DSCAM: variants seen among roughly 807,000 people sequenced by gnomAD.
DSCAM encodes cell adhesion molecule DSCAM.
In DSCAM, 47 loss-of-function variants were observed where a neutral mutation model predicts 217.7. The ratio of observed to expected loss-of-function variants is 0.22; its 90% CI spans 0.17 to 0.28. DSCAM has a LOEUF of 0.28. Ranked by LOEUF, DSCAM falls within the 10% of genes least tolerant of loss-of-function variation. The pLI, the probability that DSCAM is intolerant of heterozygous loss-of-function variation, is 1.00. For missense variants in DSCAM, 2,080 were observed against 2,618.3 expected (o/e 0.79, Z 4.49); for synonymous variants, 1,056 against 1,015.3 (o/e 1.04, Z -0.76).
intron 2 of DSCAM, among the ~76,000 whole-genome samples, chr21:40,697,319 T>C (rs942496767): frequency 1.3e-5 from 2 of 152,242 alleles, no homozygotes; most frequent in African/African-American, 4.8e-5. Context: ...TTCTTTGCTG[T>C]GCAGAGTTTT....
At chr21:40,040,793 G>A (rs988486717) in intron 32 of DSCAM, among the ~76,000 whole-genome samples, 1 of 152,126 alleles carries the variant, frequency 6.6e-6, no homozygotes, top group African/African-American at 2.4e-5. Context: ...AGCTGAGAAC[G>A]CCTATACAAC....
At chr21:40,683,338 A>G (rs747963211) in intron 3 of DSCAM, among the ~76,000 whole-genome samples, 7 of 152,196 alleles carry the variant, frequency 4.6e-5, no homozygotes, top group Non-Finnish European at 1.0e-4. Context: ...AGATTGTAAC[A>G]GGCAAAGCCC....
chr21:40,758,979 A>G (rs2091303447), intron 1 of DSCAM, among the ~76,000 whole-genome samples: 1 of 152,204 alleles, frequency 6.6e-6, no homozygotes, highest in Non-Finnish European at 1.5e-5. Flanking sequence ...CATCATAAAT[A>G]AAGAACGCAA....
chr21:40,728,954 G>A (rs1257296707), intron 1 of DSCAM, among the ~76,000 whole-genome samples: 1 of 151,902 alleles, frequency 6.6e-6, no homozygotes, highest in African/African-American at 2.4e-5. Context: ...CAGTGGTAAT[G>A]CATCTACACG....
At chr21:40,185,988 C>A (rs1372965034) in intron 14 of DSCAM, among the ~76,000 whole-genome samples, 1 of 152,240 alleles carries the variant, frequency 6.6e-6, no homozygotes, top group Non-Finnish European at 1.5e-5. Context: ...CCAGTTGCAA[C>A]TCAGAGGCCG....
At chr21:40,585,332 G>T (rs1900087450) in intron 3 of DSCAM, among the ~76,000 whole-genome samples, 1 of 52,862 alleles carries the variant, frequency 1.9e-5, no homozygotes, top group Non-Finnish European at 5.1e-5. Flanking sequence ...AAAGAAAAAT[G>T]CTGCGTGAAC....
intron 11 of DSCAM, among the ~76,000 whole-genome samples, chr21:40,238,979 A>G (rs1271362068): frequency 6.6e-6 from 1 of 152,186 alleles, no homozygotes; most frequent in Non-Finnish European, 1.5e-5. Flanking sequence ...TAATTTGAGC[A>G]TCATGTGTAT....
intron 11 of DSCAM, among the ~76,000 whole-genome samples, chr21:40,202,980 GC>G (rs1456330255): frequency 6.6e-5 from 10 of 152,156 alleles, no homozygotes; most frequent in African/African-American, 2.4e-4. Flanking sequence ...TAGCTAATAT[GC>G]ATTAAGTTCT....
At chr21:40,425,914 ATATC>A (rs976721460) in intron 3 of DSCAM, among the ~76,000 whole-genome samples, 8 of 152,210 alleles carry the variant, frequency 5.3e-5, no homozygotes, top group African/African-American at 1.9e-4. Flanking sequence ...GTATATATGG[ATATC>A]TATCTATATA....
chr21:40,655,685 G>A (rs548236576), intron 3 of DSCAM, among the ~76,000 whole-genome samples: 2 of 152,046 alleles, frequency 1.3e-5, no homozygotes, highest in East Asian at 3.9e-4. Context: ...ACTCCTGGAT[G>A]CAAGTGATCC....
chr21:40,578,755 G>A (rs461601), intron 3 of DSCAM, among the ~76,000 whole-genome samples: 36,268 of 152,046 alleles, frequency 0.24, 5,038 homozygotes, highest in African/African-American at 0.38. Flanking sequence ...AGAACCCATA[G>A]GAAGGAATAA....
At chr21:40,207,825 T>C (rs2091142678) in intron 11 of DSCAM, among the ~76,000 whole-genome samples, 1 of 152,174 alleles carries the variant, frequency 6.6e-6, no homozygotes, top group South Asian at 2.1e-4. Context: ...CTGAGGCCTC[T>C]CTCCGTGGCT....
chr21:40,540,682 C>G (rs1037434797), intron 3 of DSCAM, among the ~76,000 whole-genome samples: 2 of 152,052 alleles, frequency 1.3e-5, no homozygotes, highest in Non-Finnish European at 2.9e-5. Flanking sequence ...TACTGGGTCC[C>G]GCATCTCCTT....
chr21:40,536,495 G>A (rs1463169197), intron 3 of DSCAM, among the ~76,000 whole-genome samples: 8 of 147,076 alleles, frequency 5.4e-5, no homozygotes, highest in South Asian at 4.7e-4. Flanking sequence ...TCCGCCTCCC[G>A]GGTTCACGCC....
At chr21:40,076,244 T>C (rs1055020099) in intron 26 of DSCAM, among the ~76,000 whole-genome samples, 21 of 152,052 alleles carry the variant, frequency 1.4e-4, no homozygotes, top group African/African-American at 5.1e-4. Context: ...AGTCTCCAAA[T>C]GCTTAGAAAT....
chr21:40,268,218 A>C (rs1444260510), intron 11 of DSCAM, among the ~76,000 whole-genome samples: 1 of 152,218 alleles, frequency 6.6e-6, no homozygotes, highest in Non-Finnish European at 1.5e-5. Flanking sequence ...ATGACGGTGA[A>C]CTAATACTTG....
At chr21:40,643,452 C>A (rs1428068673) in intron 3 of DSCAM, among the ~76,000 whole-genome samples, 1 of 152,182 alleles carries the variant, frequency 6.6e-6, no homozygotes, top group Admixed American at 6.5e-5. Flanking sequence ...AGAGCCTTAA[C>A]TGTGCACTGA....
At chr21:40,724,320 G>A (rs2090932357) in intron 1 of DSCAM, among the ~76,000 whole-genome samples, 4 of 152,070 alleles carry the variant, frequency 2.6e-5, no homozygotes, top group South Asian at 2.1e-4. Flanking sequence ...CTTAGGATTC[G>A]GAAGCATAAA....
intron 15 of DSCAM, among the ~76,000 whole-genome samples, chr21:40,170,232 T>C (rs1371432679): frequency 6.6e-6 from 1 of 152,230 alleles, no homozygotes; most frequent in African/African-American, 2.4e-5. Context: ...CCGCTGCAGC[T>C]GACACCTGCC....
Sources: gnomAD v4.1 joint callset for allele counts (sites outside exome capture counted in the v4.1 genomes callset) on GRCh38, gnomAD v4.1.1 for gene constraint, MANE v1.5 for transcripts, NCBI Gene and HGNC (gene_info 2026-07-23, HGNC 2026-07-21) for gene names.